Variants in SUMF1 observed in about 807,000 individuals in gnomAD.
SUMF1 encodes the protein sulfatase modifying factor 1.
Under a neutral mutation model 47.6 loss-of-function variants are expected in SUMF1, and 48 were observed. The ratio of observed to expected loss-of-function variants is 1.01; its 90% CI spans 0.80 to 1.28. The LOEUF (loss-of-function observed/expected upper bound fraction) is 1.28, where lower values mean the gene tolerates loss of function less well. SUMF1 is among the 50% of genes most tolerant of loss of function. SUMF1 has a pLI of 0.00. For missense variants in SUMF1, 571 were observed against 485.4 expected, an observed-to-expected ratio of 1.18 and a Z score of -1.66; for synonymous variants, 230 against 192.1, an observed-to-expected ratio of 1.20 and a Z score of -1.63.
At chr3:4,101,315 A>G (rs930139420) in intron 8 of SUMF1, among the ~76,000 whole-genome samples, 2 of 152,180 alleles carry the variant, frequency 1.3e-5, no homozygotes, top group Non-Finnish European at 2.9e-5. Context: ...GCCTTAAAAA[A>G]CACAACAGGA....
intron 8 of SUMF1, among the ~76,000 whole-genome samples, chr3:4,247,410 A>C (rs1463457791): frequency 6.6e-6 from 1 of 152,208 alleles, no homozygotes. Flanking sequence ...TTCTATGTAA[A>C]GCTATTAAAT....
chr3:4,348,249 G>C (rs372981738), intron 8 of SUMF1, among the ~76,000 whole-genome samples: 26 of 152,260 alleles, frequency 1.7e-4, no homozygotes, highest in African/African-American at 6.0e-4. Flanking sequence ...AACAAAGCTG[G>C]AGGCATCACA....
intron 3 of SUMF1, among the ~76,000 whole-genome samples, chr3:4,432,342 C>A (rs1702259188): frequency 6.6e-6 from 1 of 152,066 alleles, no homozygotes; most frequent in Admixed American, 6.6e-5. Context: ...GTTCCTCAGA[C>A]CCATCATCTC....
At chr3:4,257,843 G>C (rs182187519) in intron 8 of SUMF1, among the ~76,000 whole-genome samples, 1 of 151,296 alleles carries the variant, frequency 6.6e-6, no homozygotes, top group Admixed American at 6.6e-5. Context: ...GAAGCATCAC[G>C]CTACCTGACT....
At chr3:4,258,470 C>T (rs1293263806) in intron 8 of SUMF1, among the ~76,000 whole-genome samples, 3 of 140,674 alleles carry the variant, frequency 2.1e-5, no homozygotes, top group African/African-American at 5.5e-5. Context: ...GCAGACACTT[C>T]TCAAAAGAAG....
chr3:4,186,098 C>T (rs1407598593), intron 8 of SUMF1, among the ~76,000 whole-genome samples: 1 of 152,132 alleles, frequency 6.6e-6, no homozygotes, highest in Non-Finnish European at 1.5e-5. Flanking sequence ...ATTTCAAATA[C>T]ACCCAAGATG....
At position 4,056,910 on chromosome 3, in the gene SUMF1, T is replaced by C. The variant is rs541411022; in HGVS notation, c.1191+11659A>G. ...GTGCCTGCCACCACGCCCGGCTAAT[T>C]TTTTGTATTTTAAGTTAAGCAGAGA... is the stretch of plus-strand genomic sequence containing the variant. On this transcript the variant is annotated intron_variant and NMD_transcript_variant, in intron 9 of 12. Coordinates refer to the SUMF1 transcript ENST00000448413. Among the ~76,000 whole-genome samples, 10 of 151,208 alleles carry C rather than the reference T, an allele frequency of 6.6e-5. No individual in the cohort carries two copies. In the South Asian group the frequency reaches 1.7e-3, roughly 25 times the overall value.
intron 3 of SUMF1, among the ~76,000 whole-genome samples, chr3:4,424,425 G>GA (rs766037042): frequency 6.6e-6 from 1 of 152,066 alleles, no homozygotes; most frequent in East Asian, 1.9e-4. Context: ...CGGTAAGATG[G>GA]AAAAAACACG....
intron 8 of SUMF1, among the ~76,000 whole-genome samples, chr3:4,291,824 G>T (rs987875747): frequency 1.3e-5 from 2 of 152,082 alleles, no homozygotes; most frequent in African/African-American, 4.8e-5. Context: ...ATAATCTCTC[G>T]CTGCTTCTCT....
intron 8 of SUMF1, among the ~76,000 whole-genome samples, chr3:4,243,389 G>C (rs1696588900): frequency 6.6e-6 from 1 of 152,088 alleles, no homozygotes. Flanking sequence ...GCTTTCTCTT[G>C]TGGGCATTTA....
chr3:4,365,904 C>A (rs1699937118), intron 8 of SUMF1, among the ~76,000 whole-genome samples: 3 of 152,156 alleles, frequency 2.0e-5, no homozygotes, highest in Admixed American at 2.0e-4. Context: ...TCTTTTAGGG[C>A]AGGCCTGGTA....
chr3:4,383,847 C>T (rs553476731), intron 7 of SUMF1, among the ~76,000 whole-genome samples: 5 of 152,178 alleles, frequency 3.3e-5, no homozygotes, highest in Non-Finnish European at 5.9e-5. Flanking sequence ...TGCCAGCATC[C>T]ATGACACTGT....
chr3:4,254,700 A>G (rs1696902340), intron 8 of SUMF1, among the ~76,000 whole-genome samples: 1 of 150,102 alleles, frequency 6.7e-6, no homozygotes, highest in East Asian at 1.9e-4. Flanking sequence ...GCAGGAAATT[A>G]TCCAGGAGAA....
intron 8 of SUMF1, among the ~76,000 whole-genome samples, chr3:4,246,436 C>A (rs1008570968): frequency 2.6e-5 from 4 of 152,126 alleles, no homozygotes; most frequent in Non-Finnish European, 4.4e-5. Context: ...GAGTCTCACT[C>A]TGTTGCCCAG....
At chr3:4,346,749 T>C (rs1440132140) in intron 8 of SUMF1, among the ~76,000 whole-genome samples, 2 of 151,450 alleles carry the variant, frequency 1.3e-5, no homozygotes, top group South Asian at 2.1e-4. Context: ...CATGAGCTGG[T>C]TTTTTGAAAA....
At chr3:4,295,924 A>G (rs1697840768) in intron 8 of SUMF1, among the ~76,000 whole-genome samples, 1 of 152,238 alleles carries the variant, frequency 6.6e-6, no homozygotes, top group South Asian at 2.1e-4. Flanking sequence ...AATGATAAAA[A>G]CATAGGACAA....
intron 8 of SUMF1, among the ~76,000 whole-genome samples, chr3:4,275,471 T>G (rs559165751): frequency 6.6e-6 from 1 of 152,118 alleles, no homozygotes; most frequent in Non-Finnish European, 1.5e-5. Flanking sequence ...TGGTGCATTC[T>G]TCATAAGACC....
intron 8 of SUMF1, among the ~76,000 whole-genome samples, chr3:4,140,315 G>A (rs1694043019): frequency 6.6e-6 from 1 of 151,930 alleles, no homozygotes; most frequent in Admixed American, 6.6e-5. Context: ...ATCCTTCCAA[G>A]GACTAGGGTT....
rs530354210 is a variant in SUMF1, at chr3:4,432,160, T to A, written c.520-12014A>T. On this transcript the variant is annotated intron_variant, in intron 3 of 8. Coordinates refer to ENST00000272902, the MANE Select transcript of SUMF1 (RefSeq NM_182760.4). The stretch of plus-strand genomic sequence containing the variant: ...ACTCATTCACCTCTTAGTCTTTAGG[T>A]TCAGTAATTTATTCAACCTTTCCCA... Among the ~76,000 whole-genome samples the A allele has an allele frequency of 2.6e-5, 4 of 151,740 alleles. No homozygotes were observed. The East Asian group carries it at 7.7e-4, about 29-fold the overall frequency.
Sources: gnomAD v4.1 joint callset for allele counts (sites outside exome capture counted in the v4.1 genomes callset) on GRCh38, gnomAD v4.1.1 for gene constraint, MANE v1.5 for transcripts, NCBI Gene and HGNC (gene_info 2026-07-23, HGNC 2026-07-21) for gene names.